The following HEATR9 variants were observed in gnomAD, a reference collection of about 807,000 sequenced individuals.
HEATR9 encodes the protein protein HEATR9.
Under a neutral mutation model 68.2 loss-of-function variants are expected in HEATR9, and 54 were observed. The ratio of observed to expected loss-of-function variants is 0.79; its 90% confidence interval spans 0.64 to 0.99. The LOEUF is 0.99. Among genes scored for constraint, HEATR9 ranks in the 50% least tolerant of loss-of-function variants. The probability of loss-of-function intolerance (pLI) is 0.00; values close to 1 mark genes in which losing one functional copy is unlikely to be tolerated. For missense variants in HEATR9, 662 were observed against 679.7 expected (o/e 0.97, Z 0.29); for synonymous variants, 241 against 253.5 (o/e 0.95, Z 0.47).
chr17:35,865,908 G>A (rs572567837), intron 2 of HEATR9, among the ~76,000 whole-genome samples: 4 of 152,278 alleles, frequency 2.6e-5, no homozygotes, highest in African/African-American at 9.6e-5. Flanking sequence ...AGTTATCCCT[G>A]CCCTCATGGA....
intron 8 of HEATR9, among the ~76,000 whole-genome samples, chr17:35,859,485 C>T (rs1456182102): frequency 6.6e-6 from 1 of 152,152 alleles, no homozygotes; most frequent in Non-Finnish European, 1.5e-5. Context: ...TTTTCCAGCT[C>T]CCGAGTCCAA....
rs193124927 is a variant in HEATR9, at chr17:35,865,310, C to G, written c.225G>C (p.Lys75Asn). ...GCCAGTGCGTGTAGATCTCAGGTTT[C>G]TTGAAGTAGCAGTACGGGACTGAGT... ...KPNSVPYCYF[K>N]KPEIYTHWHD... The change falls in exon 3 of 15, where the codon AAG (lysine) becomes AAC (asparagine). Residue 75 changes from lysine to asparagine, a missense_variant. Coordinates refer to ENST00000604834, the MANE Select transcript of HEATR9 (RefSeq NM_152781.4). 1.2e-6 allele frequency: 2 copies of G among 1,603,706 alleles called. No homozygotes were observed. Among genetic ancestry groups the G allele is most frequent in the East Asian group, 4.5e-5 (2 of 44,564 alleles).
chr17:35,858,543 A>G lies in HEATR9; in HGVS notation c.940-18T>C, dbSNP rs1272268901. 6.2e-7 allele frequency: 1 copy of G among 1,608,546 alleles called. No individual in the cohort carries two copies. On this transcript the variant is annotated intron_variant, in intron 9 of 14. Transcript: ENST00000604834. ...CTAAGTGCCTATGAGGGGGCAGGGT[A>G]GGGCAGGGTGTACAGGGCCTAGAGG... is the stretch of plus-strand genomic sequence containing the variant.
chr17:35,858,807 C>T, intron 9 of HEATR9, 81 bp downstream of exon 9: 4 of 1,487,466 alleles, frequency 2.7e-6, no homozygotes, highest in Non-Finnish European at 3.7e-6. Flanking sequence ...GCTCCACCAC[C>T]AGGATGGCAG....
rs778028915 is a variant in HEATR9 at position 35,864,888 on chromosome 17, T to A, written c.323A>T (p.Tyr108Phe). ...MLRKMRDDCR[Y>F]IKEVHQTHIK... ...GTGGGTTTGATGTACCTCTTTGATG[T>A]ACCTGTGTGAGAAATTGCATAGGCA... is the stretch of plus-strand genomic sequence containing the variant. The change falls in exon 4 of 15, where the codon TAC becomes TTC. Residue 108 changes from tyrosine (Y) to phenylalanine (F), a missense_variant and splice_region_variant. Transcript: ENST00000604834. 1 of 1,614,248 alleles carries A rather than the reference T, an allele frequency of 6.2e-7. No homozygotes were observed. Among genetic ancestry groups the A allele is most frequent in the South Asian group, 1.1e-5 (1 of 91,088 alleles).
chr17:35,861,000 C>A, intron 8 of HEATR9: 2 of 603,146 alleles, frequency 3.3e-6, no homozygotes, highest in East Asian at 3.2e-5. Context: ...GAGCCGAGAT[C>A]ATGCCACTGC....
intron 11 of HEATR9, 99 bp downstream of exon 11, chr17:35,858,101 T>C: frequency 6.5e-7 from 1 of 1,527,554 alleles, no homozygotes; most frequent in South Asian, 1.2e-5. Context: ...TAGGTCAGGA[T>C]GAATGTGATA....
Position 35,864,226 on chromosome 17 carries a change from C to T in HEATR9, c.567+20G>A. ...ACCCTGTTTCCTTCTTTCCTGAACTCCAGCAGTTCTCAGACTCACCACCTG... is the reference window on the plus strand; with the variant it reads ...ACCCTGTTTCCTTCTTTCCTGAACTTCAGCAGTTCTCAGACTCACCACCTG... On this transcript the variant is annotated intron_variant, in intron 6 of 14. Transcript: ENST00000604834. 6.3e-7 allele frequency: 1 copy of T among 1,597,860 alleles called. No homozygotes were observed. Among genetic ancestry groups the T allele is most frequent in the Non-Finnish European group, 8.6e-7 (1 of 1,165,212 alleles).
chr17:35,857,400 C>T (rs1598575430), intron 11 of HEATR9, among the ~76,000 whole-genome samples: 1 of 152,090 alleles, frequency 6.6e-6, no homozygotes, highest in Non-Finnish European at 1.5e-5. Context: ...GCATTGGGAG[C>T]CAATAGAAAG....
rs1332992060 is a variant in HEATR9, at chr17:35,865,381, A to G, written c.154T>C (p.Phe52Leu). Reference protein sequence around the residue: ...LSCYQMPKEEFPPSPECWRQH... With the variant: ...LSCYQMPKEELPPSPECWRQH... ...CTCCAGCACTCTGGACTTGGGGGAA[A>G]CTCTTCCTTTGGCATCTGGGGGTTG... Residue 52 changes from phenylalanine (F) to leucine (L), a missense_variant, in exon 3 of 15, where the codon TTT becomes CTT. Transcript: ENST00000604834. The G allele has an allele frequency of 6.2e-7, 1 of 1,611,856 alleles. No homozygotes were observed. Among genetic ancestry groups the G allele is most frequent in the Non-Finnish European group, 8.5e-7 (1 of 1,179,610 alleles).
chr17:35,865,057 G>A (rs952135309), intron 3 of HEATR9, among the ~76,000 whole-genome samples, 158 bp downstream of exon 3: 2 of 151,868 alleles, frequency 1.3e-5, no homozygotes. Context: ...CGAGCCGGCC[G>A]AGCCAGATGG....
chr17:35,858,639 T>G, intron 9 of HEATR9, 114 bp from the exon 10 acceptor site: 1 of 996,192 alleles, frequency 1.0e-6, no homozygotes. Flanking sequence ...TCCTTTTTTC[T>G]GCCTCTTCGC....
intron 12 of HEATR9, 134 bp from the exon 13 acceptor site, chr17:35,856,358 C>G: frequency 2.5e-6 from 4 of 1,594,476 alleles, no homozygotes; most frequent in Non-Finnish European, 3.4e-6. Context: ...TCTCTTGTTT[C>G]TTGGATCAGA....
At chr17:35,867,008 T>C (rs1230426479) in intron 1 of HEATR9, among the ~76,000 whole-genome samples, 1 of 151,954 alleles carries the variant, frequency 6.6e-6, no homozygotes, top group Non-Finnish European at 1.5e-5. Context: ...TCCCAGCACT[T>C]TGGGAGGCCG....
intron 1 of HEATR9, among the ~76,000 whole-genome samples, chr17:35,867,128 T>C (rs186096022): frequency 0.022 from 3,229 of 149,082 alleles, 69 homozygotes; most frequent in East Asian, 0.11. Flanking sequence ...TGTGTGGTGG[T>C]GGGTGCCTGT....
chr17:35,867,333 G>A (rs747266082), intron 1 of HEATR9, among the ~76,000 whole-genome samples: 16 of 151,284 alleles, frequency 1.1e-4, no homozygotes, highest in Non-Finnish European at 2.2e-4. Context: ...TACTTGAGAG[G>A]CTGAGGCAGG....
At position 35,864,268 on chromosome 17, in the gene HEATR9, A is replaced by G; in HGVS notation, c.545T>C (p.Val182Ala). 1 of 1,613,246 alleles carries G rather than the reference A, an allele frequency of 6.2e-7. No homozygotes were observed. Reference protein sequence around the residue: ...LGCLRISDKFVMEALQQVAQT... With the variant: ...LGCLRISDKFAMEALQQVAQT... ...CACCACCTGCTGTAGTGCCTCCATGACAAACTTGTCACTGATGCGTAAGCA... is the reference window on the plus strand; with the variant it reads ...CACCACCTGCTGTAGTGCCTCCATGGCAAACTTGTCACTGATGCGTAAGCA... Residue 182 changes from valine to alanine, a missense_variant, in exon 6 of 15, where the codon GTC (valine) becomes GCC (alanine). Val to Ala is a moderately conservative substitution (Grantham distance 64). Transcript: ENST00000604834.
intron 2 of HEATR9, 90 bp from the exon 3 acceptor site, chr17:35,865,486 G>T: frequency 2.1e-6 from 2 of 939,404 alleles, no homozygotes; most frequent in Non-Finnish European, 1.6e-6. Context: ...GGGAGGGAAG[G>T]GCAGGGTGAA....
intron 13 of HEATR9, 21 bp from the exon 14 acceptor site, chr17:35,855,771 G>A (rs772572353): frequency 1.9e-6 from 3 of 1,602,716 alleles, no homozygotes; most frequent in East Asian, 2.2e-5. Flanking sequence ...CAGAGTGAGA[G>A]TGCCTATGTA....
Sources: allele counts gnomAD v4.1 joint callset (sites outside exome capture counted in the v4.1 genomes callset), GRCh38; gene constraint gnomAD v4.1.1; transcripts MANE v1.5; gene names NCBI Gene and HGNC (gene_info 2026-07-23, HGNC 2026-07-21).